Variants in LCOR observed in about 807,000 individuals in gnomAD.
The protein encoded by LCOR is ligand dependent nuclear receptor corepressor, also known as ligand-dependent corepressor.
Under a neutral mutation model 64.4 loss-of-function variants are expected in LCOR, and 14 were observed. The ratio of observed to expected loss-of-function variants is 0.22; its 90% CI spans 0.14 to 0.34. The LOEUF (loss-of-function observed/expected upper bound fraction) is 0.34, where lower values mean the gene tolerates loss of function less well. Among genes scored for constraint, LCOR ranks in the 10% least tolerant of loss-of-function variants. The pLI, the probability that LCOR is intolerant of heterozygous loss-of-function variation, is 1.00. For synonymous variants in LCOR, 643 were observed against 642.5 expected, an observed-to-expected ratio of 1.00 and a Z score of -0.01; for missense variants, 1,686 against 1,765.3, an observed-to-expected ratio of 0.96 and a Z score of 0.80.
chr10:96,852,774 A>G (rs933796286), intron 2 of LCOR, among the ~76,000 whole-genome samples: 4 of 152,140 alleles, frequency 2.6e-5, no homozygotes, highest in Non-Finnish European at 4.4e-5. Context: ...TCCATGATGA[A>G]ATATAGTCAG....
intron 2 of LCOR, among the ~76,000 whole-genome samples, chr10:96,891,381 A>C (rs543601560): frequency 6.6e-6 from 1 of 150,798 alleles, no homozygotes; most frequent in East Asian, 1.9e-4. Flanking sequence ...TAGTAAATTG[A>C]ATCTTCTCTC....
At position 96,984,160 on chromosome 10, in the gene LCOR, C is replaced by T. The variant is rs1228975203; in HGVS notation, c.3700C>T (p.Arg1234Cys). Residue 1234 changes from arginine to cysteine, a missense_variant, in exon 8 of 8, where the codon CGC becomes TGC. Transcript: ENST00000421806. ...SLYPSSLQAE[R>C]LKKHLKKFPG... ...ATATCCCAGTTCACTACAGGCTGAG[C>T]GCTTGAAAAAGCACTTGAAGAAATT... The T allele has an allele frequency of 1.9e-6, 3 of 1,614,112 alleles. No homozygotes were observed. Among genetic ancestry groups the T allele is most frequent in the Non-Finnish European group, 1.7e-6 (2 of 1,180,020 alleles).
chr10:96,872,024 A>C (rs1384715216), intron 2 of LCOR, among the ~76,000 whole-genome samples: 2 of 152,254 alleles, frequency 1.3e-5, no homozygotes, highest in South Asian at 4.1e-4. Context: ...GACATAGTCC[A>C]TGCCACATAG....
chr10:96,920,782 ACACACACACGCG>A lies in LCOR; in HGVS notation c.-184+13037_-184+13048del, dbSNP rs761889976. On this transcript the variant is annotated intron_variant, in intron 4 of 7. Coordinates refer to ENST00000421806, the MANE Select transcript of LCOR (RefSeq NM_001346516.2). ...CACACACACACACACACACACACACACACACACACGCGCGGTGGGGGGGTGGTGGGCGGGAGA... is the reference window on the plus strand; with the variant it reads ...CACACACACACACACACACACACACACGGTGGGGGGGTGGTGGGCGGGAGA... 3.6e-4 allele frequency among the ~76,000 whole-genome samples: 41 copies of A among 113,734 alleles called. 2 individuals carry two copies. The highest frequency in any genetic ancestry group is 1.1e-3 in the African/African-American group (23 of 21,618). The allele number at this position is 113,734 out of a possible 152,430, so 74.6% of individuals were successfully genotyped here.
At chr10:96,842,632 C>CTTT (rs976571447) in intron 2 of LCOR, among the ~76,000 whole-genome samples, 38 of 134,370 alleles carry the variant, frequency 2.8e-4, no homozygotes, top group African/African-American at 8.7e-4. Flanking sequence ...CTTTTCTTTT[C>CTTT]TTTTTTTTTT....
chr10:96,957,158 GGTGTT>G lies in LCOR; in HGVS notation c.332+4964_332+4968del, dbSNP rs939910076. The G allele has an allele frequency of 5.1e-6, 5 of 984,558 alleles. No individual in the cohort carries two copies. The African/African-American group carries it at 8.8e-5, about 17-fold the overall frequency. 61.0% of individuals were successfully genotyped at this position (984,558 alleles called of 1,614,324 possible). A position where few individuals can be genotyped will look rare whatever the true frequency, so the allele number is the denominator to read the frequency against. The stretch of plus-strand genomic sequence containing the variant: ...AATACTAGTAGAAGGGGGAGGGAGA[GGTGTT>G]GGGTTTTTTTTTTAAGTTTTTATTT... On this transcript the variant is annotated intron_variant, in intron 7 of 7. Transcript: ENST00000421806.
At chr10:96,897,556 T>A (rs182108959) in intron 2 of LCOR, among the ~76,000 whole-genome samples, 2 of 152,246 alleles carry the variant, frequency 1.3e-5, no homozygotes, top group African/African-American at 4.8e-5. Context: ...GTGATTTTGG[T>A]AACTTATTTA....
chr10:96,994,411 C>T lies in LCOR; in HGVS notation c.*9277C>T, dbSNP rs1431317600. ...GATTTCTAAAGCTGTTAAGCAGCCT[C>T]TCTTTTTGACCGTCCTAAACTTTGT... On this transcript the variant is annotated 3_prime_UTR_variant, in exon 8 of 8. Transcript: ENST00000421806. The T allele has an allele frequency of 6.6e-6, 1 of 152,228 alleles. No individual in the cohort carries two copies. Among genetic ancestry groups the T allele is most frequent in the Admixed American group, 6.5e-5 (1 of 15,280 alleles). 9.4% of individuals were successfully genotyped at this position (152,228 alleles called of 1,614,324 possible).
At chr10:96,837,563 C>A (rs919643043) in intron 2 of LCOR, among the ~76,000 whole-genome samples, 16 of 152,130 alleles carry the variant, frequency 1.1e-4, no homozygotes, top group African/African-American at 3.4e-4. Context: ...CCGACAGATT[C>A]TTTTTTAAAC....
chr10:96,870,257 T>A (rs755646549), intron 2 of LCOR, among the ~76,000 whole-genome samples: 1 of 151,524 alleles, frequency 6.6e-6, no homozygotes, highest in African/African-American at 2.4e-5. Flanking sequence ...ATGATCTGCC[T>A]GCCTCGGCCT....
chr10:96,974,600 G>A (rs1848023287), intron 7 of LCOR, among the ~76,000 whole-genome samples: 1 of 152,136 alleles, frequency 6.6e-6, no homozygotes, highest in Admixed American at 6.5e-5. Context: ...TGAGGAAATG[G>A]TTTGCAGAAC....
At chr10:96,859,450 G>A (rs1683343025) in intron 2 of LCOR, among the ~76,000 whole-genome samples, 1 of 151,960 alleles carries the variant, frequency 6.6e-6, no homozygotes, top group Admixed American at 6.6e-5. Flanking sequence ...GACCTCAGGT[G>A]ATCCACTTGC....
At chr10:96,881,112 C>T (rs1017149576) in intron 2 of LCOR, among the ~76,000 whole-genome samples, 2 of 152,156 alleles carry the variant, frequency 1.3e-5, no homozygotes, top group Admixed American at 1.3e-4. Context: ...ATATGGTCTG[C>T]AACACCTGAA....
intron 4 of LCOR, chr10:96,915,754 C>G: frequency 1.6e-6 from 1 of 636,662 alleles, no homozygotes; most frequent in Non-Finnish European, 3.0e-6. Flanking sequence ...TGGGTACCTT[C>G]TCTCCCTCCT....
rs776550232 is a variant in LCOR, at chr10:96,983,762, G to A, written c.3302G>A (p.Trp1101Ter). Residue 1101 changes from tryptophan (W) to a stop codon, truncating the protein, a stop_gained, in exon 8 of 8, where the codon TGG becomes TAG. Transcript: ENST00000421806. LOFTEE classifies it high-confidence loss of function. This position sits in a 1 kb window ranked among gnomAD's most constrained non-coding sequence, Gnocchi z 4.5. ...GATGAACAGCCAAAGTTTATGGAAT[G>A]GTGTGCTGAGGAGGAGAACCAAGAG... is the stretch of plus-strand genomic sequence containing the variant. ...VVDEQPKFME[W>*]CAEEENQELI... is the part of the protein sequence containing the mutation. 1 of 1,614,138 alleles carries A rather than the reference G, an allele frequency of 6.2e-7. No individual in the cohort carries two copies. The highest frequency in any genetic ancestry group is 8.5e-7 in the Non-Finnish European group (1 of 1,180,028).
At chr10:96,879,885 ACTC>A (rs1268138548) in intron 2 of LCOR, among the ~76,000 whole-genome samples, 1 of 151,218 alleles carries the variant, frequency 6.6e-6, no homozygotes, top group African/African-American at 2.4e-5. Flanking sequence ...CTGGTGTTGA[ACTC>A]CTAGCCTCAA....
intron 2 of LCOR, among the ~76,000 whole-genome samples, chr10:96,897,411 C>G (rs575616967): frequency 6.6e-6 from 1 of 152,290 alleles, no homozygotes; most frequent in South Asian, 2.1e-4. Context: ...CATTCCTGAT[C>G]AACCTCAGAT....
chr10:96,857,025 CTT>C (rs995573641), intron 2 of LCOR, among the ~76,000 whole-genome samples: 1 of 151,490 alleles, frequency 6.6e-6, no homozygotes, highest in Non-Finnish European at 1.5e-5. Flanking sequence ...TTCTCTTACT[CTT>C]TTTTTTAGTG....
Position 96,984,780 on chromosome 10 carries a change from G to C in LCOR, c.4320G>C (p.Arg1440Ser), listed in dbSNP as rs778140989. ...CTGCTGCCAAGAGGCCAGCTGCAAG[G>C]GACAGAAGCAGCCAACCCCCCAAAA... is the stretch of plus-strand genomic sequence containing the variant. ...KTPAAKRPAA[R>S]DRSSQPPKKT... Residue 1440 changes from arginine (R) to serine (S), a missense_variant, in exon 8 of 8, where the codon AGG becomes AGC. Arg to Ser is a moderately radical substitution (Grantham distance 110, BLOSUM62 -1). Transcript: ENST00000421806. 6 of 1,613,888 alleles carry C rather than the reference G, an allele frequency of 3.7e-6. No homozygotes were observed. Among genetic ancestry groups the C allele is most frequent in the Non-Finnish European group, 5.1e-6 (6 of 1,180,002 alleles).
Sources: gnomAD v4.1 joint callset for allele counts (sites outside exome capture counted in the v4.1 genomes callset) on GRCh38, gnomAD v4.1.1 for gene constraint, Gnocchi (gnomAD v3.1) non-coding constraint, MANE v1.5 for transcripts, NCBI Gene and HGNC (gene_info 2026-07-23, HGNC 2026-07-21) for gene names.